The following CSMD1 variants were observed in gnomAD, a reference collection of about 807,000 sequenced individuals.
CSMD1 encodes the protein CUB and sushi domain-containing protein 1.
CSMD1 carries 213 observed loss-of-function variants against 417.5 expected under a neutral mutation model. The observed-to-expected ratio is 0.51, with a 90% CI of 0.46 to 0.57. The LOEUF is 0.57. CSMD1 is among the 20% of genes least tolerant of loss of function. The probability of loss-of-function intolerance (pLI) is 0.00; values close to 1 mark genes in which losing one functional copy is unlikely to be tolerated. For synonymous variants in CSMD1, 2,862 were observed against 1,736.8 expected (o/e 1.65, Z -16.11); for missense variants, 6,923 against 4,529.7 (o/e 1.53, Z -15.17).
chr8:4,429,998 T>G (rs1398163126), intron 2 of CSMD1, among the ~76,000 whole-genome samples: 5 of 152,186 alleles, frequency 3.3e-5, no homozygotes, highest in Non-Finnish European at 5.9e-5. Flanking sequence ...AGATGAGGTC[T>G]CCTTAAGTGC....
chr8:3,868,689 C>T (rs1008378438), intron 5 of CSMD1, among the ~76,000 whole-genome samples: 1 of 152,176 alleles, frequency 6.6e-6, no homozygotes, highest in African/African-American at 2.4e-5. Flanking sequence ...CTCATGAATG[C>T]AGCGTTATCC....
intron 5 of CSMD1, among the ~76,000 whole-genome samples, chr8:3,922,343 G>C (rs1219924792): frequency 6.6e-6 from 1 of 150,974 alleles, no homozygotes; most frequent in Non-Finnish European, 1.5e-5. Context: ...CTCTGTCTTT[G>C]GATTAAAAAA....
At chr8:4,733,845 AC>A (rs1210730296) in intron 1 of CSMD1, among the ~76,000 whole-genome samples, 1 of 152,208 alleles carries the variant, frequency 6.6e-6, no homozygotes, top group Non-Finnish European at 1.5e-5. Context: ...ACTGACCATT[AC>A]AAGAAGTCAA....
intron 2 of CSMD1, among the ~76,000 whole-genome samples, chr8:4,585,141 T>G (rs989885019): frequency 6.7e-6 from 1 of 148,876 alleles, no homozygotes; most frequent in Admixed American, 6.7e-5. Flanking sequence ...ACAGGAAGTG[T>G]AGATATTAAA....
intron 41 of CSMD1, among the ~76,000 whole-genome samples, chr8:3,118,799 G>A (rs1201779970): frequency 6.6e-6 from 1 of 152,128 alleles, no homozygotes; most frequent in African/African-American, 2.4e-5. Flanking sequence ...AATAAATAGT[G>A]TGTACTTTAA....
chr8:3,232,238 C>A (rs1035364372), intron 26 of CSMD1, among the ~76,000 whole-genome samples: 2 of 152,180 alleles, frequency 1.3e-5, no homozygotes, highest in African/African-American at 4.8e-5. Context: ...CCACTTTTAG[C>A]CACATATATC....
At chr8:4,077,297 G>GTGTATATA (rs1313094441) in intron 3 of CSMD1, among the ~76,000 whole-genome samples, 10 of 121,290 alleles carry the variant, frequency 8.2e-5, no homozygotes, top group South Asian at 5.0e-4. Flanking sequence ...ATATATATGT[G>GTGTATATA]TATATATATA....
At chr8:4,836,713 CA>C (rs1800516176) in intron 1 of CSMD1, among the ~76,000 whole-genome samples, 2 of 151,890 alleles carry the variant, frequency 1.3e-5, no homozygotes, top group Admixed American at 6.5e-5. Flanking sequence ...TATCATGGAG[CA>C]AAGAAGTCAC....
At chr8:3,884,154 A>C (rs148911254) in intron 5 of CSMD1, among the ~76,000 whole-genome samples, 6 of 152,232 alleles carry the variant, frequency 3.9e-5, no homozygotes, top group Admixed American at 6.5e-5. Flanking sequence ...GAAAATATTT[A>C]GGGAAAAATG....
At chr8:3,721,925 C>A (rs1014428919) in intron 6 of CSMD1, among the ~76,000 whole-genome samples, 2 of 152,154 alleles carry the variant, frequency 1.3e-5, no homozygotes, top group Admixed American at 6.5e-5. Flanking sequence ...ACTGATGCAT[C>A]TACATGCCAC....
chr8:3,838,004 C>T (rs1005092665), intron 5 of CSMD1, among the ~76,000 whole-genome samples: 4 of 151,848 alleles, frequency 2.6e-5, no homozygotes, highest in Non-Finnish European at 4.4e-5. Flanking sequence ...CTTCTGATGC[C>T]CTCCCCAACT....
chr8:4,796,252 G>T (rs1483375291), intron 1 of CSMD1, among the ~76,000 whole-genome samples: 1 of 151,972 alleles, frequency 6.6e-6, no homozygotes, highest in Non-Finnish European at 1.5e-5. Flanking sequence ...CTCCTTTGCT[G>T]TGAGGCTGGA....
chr8:3,316,682 G>T (rs751376464), intron 23 of CSMD1, among the ~76,000 whole-genome samples: 1 of 152,074 alleles, frequency 6.6e-6, no homozygotes, highest in South Asian at 2.1e-4. Context: ...CCTTTTAAAC[G>T]TGTGGCGGTT....
At chr8:4,052,269 A>T (rs1033917151) in intron 3 of CSMD1, among the ~76,000 whole-genome samples, 5 of 152,228 alleles carry the variant, frequency 3.3e-5, no homozygotes, top group African/African-American at 1.2e-4. Flanking sequence ...GACAGGGCAC[A>T]GCCTGCCATT....
intron 49 of CSMD1, among the ~76,000 whole-genome samples, chr8:3,070,706 T>C (rs1433392896): frequency 6.6e-6 from 1 of 152,196 alleles, no homozygotes; most frequent in Non-Finnish European, 1.5e-5. Context: ...CTCTAAGAAT[T>C]TACAAACTTT....
At chr8:3,820,162 C>A (rs2720743) in intron 5 of CSMD1, among the ~76,000 whole-genome samples, 1 of 152,074 alleles carries the variant, frequency 6.6e-6, no homozygotes, top group Admixed American at 6.5e-5. Flanking sequence ...GAATGCCTTG[C>A]ACAAAGTGCT....
intron 7 of CSMD1, among the ~76,000 whole-genome samples, chr8:3,680,827 A>C (rs1267949998): frequency 2.0e-5 from 3 of 152,168 alleles, no homozygotes; most frequent in Non-Finnish European, 4.4e-5. Context: ...GCACATCAAA[A>C]AGCTTATCCA....
intron 3 of CSMD1, among the ~76,000 whole-genome samples, chr8:4,337,083 G>C (rs1023054590): frequency 1.3e-5 from 2 of 152,042 alleles, no homozygotes; most frequent in South Asian, 4.1e-4. Flanking sequence ...TGTCCCAGAG[G>C]GTTGCCAACG....
intron 3 of CSMD1, among the ~76,000 whole-genome samples, chr8:4,313,193 T>A (rs142532838): frequency 9.1e-4 from 139 of 152,172 alleles, no homozygotes; most frequent in African/African-American, 3.2e-3. Flanking sequence ...TTTTTAAACC[T>A]AGGGAATAAT....
Sources: allele counts gnomAD v4.1 joint callset (sites outside exome capture counted in the v4.1 genomes callset), GRCh38; gene constraint gnomAD v4.1.1; transcripts MANE v1.5; gene names NCBI Gene and HGNC (gene_info 2026-07-23, HGNC 2026-07-21).